The following ERC2 variants were observed in gnomAD, a reference collection of about 807,000 sequenced individuals.
The protein encoded by ERC2 is ELKS/RAB6-interacting/CAST family member 2.
Under a neutral mutation model 114.8 loss-of-function variants are expected in ERC2, and 42 were observed. That is an observed-to-expected ratio of 0.37 (90% CI 0.29 to 0.47). ERC2 has a LOEUF of 0.47. Among genes scored for constraint, ERC2 ranks in the 20% least tolerant of loss-of-function variants. The probability of loss-of-function intolerance (pLI) is 0.99; values close to 1 mark genes in which losing one functional copy is unlikely to be tolerated. For synonymous variants in ERC2, 454 were observed against 425.5 expected (o/e 1.07, Z -0.82); for missense variants, 939 against 1,150.7 (o/e 0.82, Z 2.66).
intron 3 of ERC2, among the ~76,000 whole-genome samples, chr3:56,265,986 G>A (rs952321780): frequency 6.7e-6 from 1 of 150,042 alleles, no homozygotes; most frequent in East Asian, 2.0e-4. Flanking sequence ...TTGAGATCAT[G>A]CCACTGCACT....
chr3:56,121,698 C>A (rs2079584858), intron 6 of ERC2, among the ~76,000 whole-genome samples: 1 of 152,108 alleles, frequency 6.6e-6, no homozygotes, highest in Non-Finnish European at 1.5e-5. Context: ...AAATTTAATT[C>A]AGAAAGTCTC....
At chr3:56,359,549 C>G (rs2058868633) in intron 2 of ERC2, among the ~76,000 whole-genome samples, 2 of 152,252 alleles carry the variant, frequency 1.3e-5, no homozygotes, top group Admixed American at 6.5e-5. Context: ...TTAGACAGAA[C>G]AGGAAACCAA....
At chr3:55,734,487 T>C (rs910782955) in intron 15 of ERC2, among the ~76,000 whole-genome samples, 17 of 152,094 alleles carry the variant, frequency 1.1e-4, no homozygotes, top group Admixed American at 9.2e-4. Context: ...CAAAGTCCAC[T>C]GGAGGAAAGA....
At chr3:55,979,116 T>C (rs112695262) in intron 12 of ERC2, among the ~76,000 whole-genome samples, 81 of 152,340 alleles carry the variant, frequency 5.3e-4, no homozygotes, top group Non-Finnish European at 8.4e-4. Flanking sequence ...GGTAATTATC[T>C]GTGAGCAACA....
chr3:56,447,636 A>G (rs1274371640), intron 1 of ERC2, among the ~76,000 whole-genome samples: 1 of 151,940 alleles, frequency 6.6e-6, no homozygotes, highest in Non-Finnish European at 1.5e-5. Context: ...AGATTATATT[A>G]TTTACATTTA....
intron 15 of ERC2, among the ~76,000 whole-genome samples, chr3:55,717,626 C>T (rs551148535): frequency 6.6e-6 from 1 of 152,236 alleles, no homozygotes; most frequent in Non-Finnish European, 1.5e-5. Flanking sequence ...TTTGGATTTG[C>T]ACTTCAACAC....
In ERC2 at chr3:56,283,160, C is replaced by T. The variant is rs112654254; in HGVS notation, c.1074+12859G>A. 7.3e-3 allele frequency among the ~76,000 whole-genome samples: 1,113 copies of T among 152,348 alleles called. 22 individuals carry two copies. The highest frequency in any genetic ancestry group is 0.026 in the African/African-American group (1,063 of 41,564). On this transcript the variant is annotated intron_variant, in intron 3 of 17. Transcript: ENST00000288221. Reference sequence around the variant, plus strand: ...AGGTTTTTAAGGCATCTCAAGCTTTCAATGTGCAATTGGCAAAGATTTAGC... The same window carrying T: ...AGGTTTTTAAGGCATCTCAAGCTTTTAATGTGCAATTGGCAAAGATTTAGC...
At chr3:56,370,600 T>TC (rs200239612) in intron 2 of ERC2, among the ~76,000 whole-genome samples, 71 of 149,624 alleles carry the variant, frequency 4.7e-4, no homozygotes, top group African/African-American at 7.9e-4. Flanking sequence ...TTTTTGTTTT[T>TC]TTTTTTTTTT....
intron 4 of ERC2, among the ~76,000 whole-genome samples, chr3:56,170,311 A>G (rs1401088281): frequency 1.3e-5 from 2 of 152,220 alleles, no homozygotes; most frequent in East Asian, 3.8e-4. Flanking sequence ...ATGCAGGCAG[A>G]TGATATTTCC....
intron 15 of ERC2, among the ~76,000 whole-genome samples, chr3:55,730,015 A>T (rs550636114): frequency 1.3e-5 from 2 of 152,190 alleles, no homozygotes; most frequent in Admixed American, 1.3e-4. Flanking sequence ...ACCAAGCTGC[A>T]CACTCCTATT....
At chr3:55,535,947 C>T (rs1375506407) in intron 17 of ERC2, among the ~76,000 whole-genome samples, 1 of 151,586 alleles carries the variant, frequency 6.6e-6, no homozygotes, top group South Asian at 2.1e-4. Context: ...TGCAGTGAGC[C>T]GAGATCACAC....
chr3:56,094,722 C>T (rs1011496642), intron 6 of ERC2, among the ~76,000 whole-genome samples: 5 of 152,084 alleles, frequency 3.3e-5, no homozygotes, highest in African/African-American at 1.2e-4. Context: ...AAAGACAGAT[C>T]AGTCCATGAA....
intron 17 of ERC2, among the ~76,000 whole-genome samples, chr3:55,617,194 A>G (rs2059155965): frequency 6.6e-6 from 1 of 152,224 alleles, no homozygotes; most frequent in Non-Finnish European, 1.5e-5. Flanking sequence ...TTCCCTTCTC[A>G]TGCAAGGGGC....
intron 1 of ERC2, among the ~76,000 whole-genome samples, chr3:56,449,229 G>T (rs2107506885): frequency 6.6e-6 from 1 of 152,144 alleles, no homozygotes; most frequent in East Asian, 1.9e-4. Flanking sequence ...AGATGTACTA[G>T]GAAAAAATTT....
chr3:56,157,390 C>T (rs1213523532), intron 4 of ERC2, among the ~76,000 whole-genome samples: 3 of 152,168 alleles, frequency 2.0e-5, no homozygotes, highest in South Asian at 2.1e-4. Context: ...GTGTGCAGGG[C>T]CATCCCCTCA....
At chr3:55,806,033 C>T (rs964681154) in intron 14 of ERC2, among the ~76,000 whole-genome samples, 2 of 152,056 alleles carry the variant, frequency 1.3e-5, no homozygotes, top group African/African-American at 4.8e-5. Context: ...AGCCTGTTAT[C>T]TAAAAGCTTA....
At chr3:55,822,754 C>T (rs185855801) in intron 14 of ERC2, among the ~76,000 whole-genome samples, 4 of 151,344 alleles carry the variant, frequency 2.6e-5, no homozygotes, top group African/African-American at 4.8e-5. Context: ...GCTGGGACTA[C>T]AGGCACCCGC....
chr3:55,707,326 C>T (rs1023061785), intron 15 of ERC2, among the ~76,000 whole-genome samples: 18 of 152,242 alleles, frequency 1.2e-4, no homozygotes, highest in African/African-American at 4.3e-4. Context: ...GTAGTCCCAG[C>T]TACTTGGGAG....
intron 17 of ERC2, among the ~76,000 whole-genome samples, chr3:55,582,761 G>C (rs2057324390): frequency 1.3e-5 from 2 of 152,206 alleles, no homozygotes; most frequent in Non-Finnish European, 2.9e-5. Context: ...GAAGTAGCCT[G>C]AGTTCAAATC....
Sources: gnomAD v4.1 joint callset for allele counts (sites outside exome capture counted in the v4.1 genomes callset) on GRCh38, gnomAD v4.1.1 for gene constraint, MANE v1.5 for transcripts, NCBI Gene and HGNC (gene_info 2026-07-23, HGNC 2026-07-21) for gene names.